The following ATRNL1 variants were observed in gnomAD, a reference collection of about 807,000 sequenced individuals.
The protein encoded by ATRNL1 is attractin-like protein 1.
ATRNL1 carries 95 observed loss-of-function variants against 182.7 expected under a neutral mutation model. The ratio of observed to expected loss-of-function variants is 0.52; its 90% CI spans 0.44 to 0.62. The LOEUF (loss-of-function observed/expected upper bound fraction) is 0.62, where lower values mean the gene tolerates loss of function less well. ATRNL1 is among the 20% of genes least tolerant of loss of function. The pLI is 0.00. For synonymous variants in ATRNL1, 576 were observed against 568.3 expected (o/e 1.01, Z -0.19); for missense variants, 1,471 against 1,679.5 (o/e 0.88, Z 2.17).
chr10:115,673,642 T>A (rs1945769918), intron 26 of ATRNL1, among the ~76,000 whole-genome samples: 1 of 152,100 alleles, frequency 6.6e-6, no homozygotes, highest in African/African-American at 2.4e-5. Flanking sequence ...CAAATTAATA[T>A]AACCAACTTC....
At chr10:115,827,744 T>C (rs1424982180) in intron 27 of ATRNL1, among the ~76,000 whole-genome samples, 1 of 152,094 alleles carries the variant, frequency 6.6e-6, no homozygotes, top group African/African-American at 2.4e-5. Flanking sequence ...AGGTAAGAGA[T>C]GACATATGAA....
At chr10:115,754,104 T>G (rs1948521645) in intron 27 of ATRNL1, among the ~76,000 whole-genome samples, 1 of 152,216 alleles carries the variant, frequency 6.6e-6, no homozygotes, top group East Asian at 1.9e-4. Context: ...TGCAGAAATT[T>G]TCTCCCATTC....
At chr10:115,932,421 C>T (rs923120957) in intron 28 of ATRNL1, among the ~76,000 whole-genome samples, 19 of 152,134 alleles carry the variant, frequency 1.2e-4, no homozygotes, top group Admixed American at 1.2e-3. Context: ...TACCTGTTTT[C>T]GTTAAAATGC....
At chr10:115,325,770 T>C (rs1854840548) in intron 18 of ATRNL1, among the ~76,000 whole-genome samples, 2 of 152,346 alleles carry the variant, frequency 1.3e-5, no homozygotes, top group South Asian at 4.1e-4. Flanking sequence ...CTTCTAGTTT[T>C]GTTCATGTAG....
intron 1 of ATRNL1, among the ~76,000 whole-genome samples, chr10:115,097,092 A>G (rs1031762587): frequency 1.3e-5 from 2 of 152,186 alleles, no homozygotes; most frequent in South Asian, 4.1e-4. Flanking sequence ...ATTTATATAA[A>G]TATAAAGAGT....
intron 26 of ATRNL1, among the ~76,000 whole-genome samples, chr10:115,622,799 C>T (rs1331736918): frequency 9.2e-5 from 14 of 151,996 alleles, no homozygotes; most frequent in Admixed American, 7.9e-4. Context: ...AGGTGGCGGG[C>T]GCCTGTAGTC....
chr10:115,802,034 AC>A (rs1555084475), intron 27 of ATRNL1, among the ~76,000 whole-genome samples: 1 of 69,940 alleles, frequency 1.4e-5, no homozygotes, highest in East Asian at 5.4e-4. Flanking sequence ...ACACACACAC[AC>A]ACACACACAC....
chr10:115,276,026 G>A (rs937496993), intron 13 of ATRNL1, among the ~76,000 whole-genome samples: 10 of 151,938 alleles, frequency 6.6e-5, no homozygotes, highest in East Asian at 1.9e-4. Flanking sequence ...TTTATGTTTC[G>A]TCTATCATTT....
intron 17 of ATRNL1, among the ~76,000 whole-genome samples, chr10:115,305,918 A>G (rs1451118750): frequency 6.6e-6 from 1 of 152,186 alleles, no homozygotes; most frequent in African/African-American, 2.4e-5. Flanking sequence ...GTGTGTGTTT[A>G]TAGGAATTTA....
intron 26 of ATRNL1, among the ~76,000 whole-genome samples, chr10:115,643,072 G>C (rs1169251123): frequency 7.9e-5 from 12 of 151,968 alleles, no homozygotes; most frequent in African/African-American, 2.9e-4. Context: ...TGTTAATATT[G>C]GCAAGGTTGA....
chr10:115,922,317 A>C (rs141938725), intron 28 of ATRNL1, among the ~76,000 whole-genome samples: 1,965 of 152,300 alleles, frequency 0.013, 44 homozygotes, highest in African/African-American at 0.045. Flanking sequence ...ACTTAGCTAA[A>C]ATTTCATGTC....
At chr10:115,130,137 A>G (rs769000757) in intron 5 of ATRNL1, among the ~76,000 whole-genome samples, 6 of 152,152 alleles carry the variant, frequency 3.9e-5, no homozygotes, top group Non-Finnish European at 8.8e-5. Flanking sequence ...TTATCTGTAT[A>G]TAAAATAATA....
At chr10:115,453,212 TA>T (rs1369653714) in intron 21 of ATRNL1, among the ~76,000 whole-genome samples, 1 of 152,138 alleles carries the variant, frequency 6.6e-6, no homozygotes, top group East Asian at 1.9e-4. Context: ...TGTATATACC[TA>T]AAAGTGGGAT....
At chr10:115,576,372 C>G (rs1555005203) in intron 26 of ATRNL1, among the ~76,000 whole-genome samples, 1 of 151,968 alleles carries the variant, frequency 6.6e-6, no homozygotes, top group Non-Finnish European at 1.5e-5. Flanking sequence ...GTACAGGGTT[C>G]ACTTTTCTCC....
chr10:115,928,180 A>G (rs1418563141), intron 28 of ATRNL1, among the ~76,000 whole-genome samples: 2 of 151,996 alleles, frequency 1.3e-5, no homozygotes, highest in Admixed American at 6.6e-5. Context: ...TCTTACATCT[A>G]TCTTTGTGAG....
rs374795574 is a variant in ATRNL1, at chr10:115,182,181, C to G, written c.1348+10889C>G. Among the ~76,000 whole-genome samples, 197 of 151,556 alleles carry G rather than the reference C, an allele frequency of 1.3e-3. 3 individuals carry two copies. The highest frequency in any genetic ancestry group is 4.0e-3 in the African/African-American group (165 of 41,472). Reference sequence around the variant, plus strand: ...TGCAAAAGGTAGTTTTTGACTGACACTTTTTTCTTGTGTAAATTACTTATG... The same window carrying G: ...TGCAAAAGGTAGTTTTTGACTGACAGTTTTTTCTTGTGTAAATTACTTATG... On this transcript the variant is annotated intron_variant, in intron 8 of 28. Transcript: ENST00000355044.
intron 26 of ATRNL1, among the ~76,000 whole-genome samples, chr10:115,577,681 ATCAT>A (rs761570870): frequency 1.0e-4 from 15 of 144,456 alleles, no homozygotes; most frequent in Non-Finnish European, 2.0e-4. Context: ...TACATGTATA[ATCAT>A]TCAGTCTATA....
chr10:115,567,394 T>G (rs552180494), intron 26 of ATRNL1, among the ~76,000 whole-genome samples: 2 of 152,268 alleles, frequency 1.3e-5, no homozygotes, highest in South Asian at 4.1e-4. Flanking sequence ...TGAAAACATA[T>G]CTCATTTTGT....
chr10:115,306,726 ACT>A lies in ATRNL1; in HGVS notation c.2818+4686_2818+4687del, dbSNP rs148043054. 7.2e-3 allele frequency among the ~76,000 whole-genome samples: 1,096 copies of A among 152,084 alleles called. 15 individuals are homozygous for A. The highest frequency in any genetic ancestry group is 0.025 in the African/African-American group (1,048 of 41,532). The stretch of plus-strand genomic sequence containing the variant: ...TCTAGATATATCTTAATATTTCTTA[ACT>A]CTGTTTGCATTTTTTGTATTTTTGT... On this transcript the variant is annotated intron_variant, in intron 17 of 28. Coordinates refer to ENST00000355044, the MANE Select transcript of ATRNL1 (RefSeq NM_207303.4).
Sources: allele counts gnomAD v4.1 joint callset (sites outside exome capture counted in the v4.1 genomes callset), GRCh38; gene constraint gnomAD v4.1.1; transcripts MANE v1.5; gene names NCBI Gene and HGNC (gene_info 2026-07-23, HGNC 2026-07-21).